The following RNF150 variants were observed in gnomAD, a reference collection of about 807,000 sequenced individuals.
RNF150 encodes the protein ring finger protein 150.
Under a neutral mutation model 39.3 loss-of-function variants are expected in RNF150, and 24 were observed. That is an observed-to-expected ratio of 0.61 (90% CI 0.44 to 0.86). RNF150 has a LOEUF of 0.86. Among genes scored for constraint, RNF150 ranks in the 40% least tolerant of loss-of-function variants. RNF150 has a pLI of 0.00. For synonymous variants in RNF150, 255 were observed against 227.3 expected, an observed-to-expected ratio of 1.12 and a Z score of -1.10; for missense variants, 502 against 587.8, an observed-to-expected ratio of 0.85 and a Z score of 1.51.
intron 6 of RNF150, among the ~76,000 whole-genome samples, chr4:140,871,144 A>C (rs543029892): frequency 6.6e-6 from 1 of 152,188 alleles, no homozygotes; most frequent in Admixed American, 6.5e-5. Flanking sequence ...TTTCTCCTTT[A>C]GGGCTAAAGT....
intron 4 of RNF150, among the ~76,000 whole-genome samples, chr4:140,939,871 A>G (rs955110306): frequency 2.6e-5 from 4 of 152,218 alleles, no homozygotes; most frequent in African/African-American, 7.2e-5. Context: ...ACGTTGAGTC[A>G]TCTGGTTTAC....
At chr4:141,071,994 A>G (rs1327547152) in intron 1 of RNF150, among the ~76,000 whole-genome samples, 1 of 152,192 alleles carries the variant, frequency 6.6e-6, no homozygotes, top group African/African-American at 2.4e-5. Flanking sequence ...TTAATTGTGC[A>G]TATCAATCAC....
chr4:141,161,400 C>T (rs569203094), intron 1 of RNF150, among the ~76,000 whole-genome samples: 1 of 152,194 alleles, frequency 6.6e-6, no homozygotes, highest in South Asian at 2.1e-4. Flanking sequence ...AAAGAAATGA[C>T]CTAAAATTGG....
intron 1 of RNF150, among the ~76,000 whole-genome samples, chr4:141,060,331 C>T (rs1737164844): frequency 6.6e-6 from 1 of 152,000 alleles, no homozygotes; most frequent in Admixed American, 6.6e-5. Flanking sequence ...GTCCCAGATA[C>T]TTGGGAAGTT....
intron 2 of RNF150, among the ~76,000 whole-genome samples, chr4:140,962,578 C>T (rs924163917): frequency 2.6e-5 from 4 of 151,772 alleles, no homozygotes; most frequent in Non-Finnish European, 5.9e-5. Flanking sequence ...TTTTCATTGC[C>T]TTGTGTTTGG....
At chr4:141,163,395 TC>T (rs1173923744) in intron 1 of RNF150, among the ~76,000 whole-genome samples, 2 of 152,154 alleles carry the variant, frequency 1.3e-5, no homozygotes, top group Admixed American at 1.3e-4. Context: ...ACTTAAACTT[TC>T]CCACCTGCCT....
chr4:140,930,007 A>G (rs1215140207), intron 4 of RNF150, among the ~76,000 whole-genome samples: 2 of 152,168 alleles, frequency 1.3e-5, no homozygotes, highest in African/African-American at 2.4e-5. Flanking sequence ...CTAAAAATGC[A>G]AAAACTAGCT....
chr4:141,089,917 C>T (rs1738515366), intron 1 of RNF150, among the ~76,000 whole-genome samples: 1 of 152,192 alleles, frequency 6.6e-6, no homozygotes, highest in South Asian at 2.1e-4. Flanking sequence ...CACATCGATG[C>T]CACCACCATC....
At chr4:141,017,540 T>A (rs1238570668) in intron 1 of RNF150, among the ~76,000 whole-genome samples, 1 of 152,198 alleles carries the variant, frequency 6.6e-6, no homozygotes, top group Non-Finnish European at 1.5e-5. Context: ...ACATTTGGGT[T>A]CACTTCTGGT....
chr4:141,028,336 T>C (rs532499217), intron 1 of RNF150, among the ~76,000 whole-genome samples: 46 of 152,330 alleles, frequency 3.0e-4, no homozygotes, highest in Non-Finnish European at 5.4e-4. Flanking sequence ...GCCAGCTTTT[T>C]CATATGGATC....
At chr4:140,975,169 T>C (rs1480091140) in intron 1 of RNF150, among the ~76,000 whole-genome samples, 1 of 152,096 alleles carries the variant, frequency 6.6e-6, no homozygotes, top group Admixed American at 6.6e-5. Context: ...GGTGGGAGGA[T>C]GACTTGAGCC....
At chr4:140,985,767 T>C (rs1303103279) in intron 1 of RNF150, among the ~76,000 whole-genome samples, 1 of 152,146 alleles carries the variant, frequency 6.6e-6, no homozygotes, top group Non-Finnish European at 1.5e-5. Flanking sequence ...ATTTTGGATA[T>C]ATGGGTTATA....
At chr4:141,198,582 G>A (rs751817560) in intron 1 of RNF150, among the ~76,000 whole-genome samples, 8 of 152,308 alleles carry the variant, frequency 5.3e-5, no homozygotes, top group Non-Finnish European at 7.3e-5. Context: ...TGACAAGAGC[G>A]AAAAATGATA....
intron 1 of RNF150, among the ~76,000 whole-genome samples, chr4:141,097,128 G>T (rs554425814): frequency 6.6e-6 from 1 of 152,266 alleles, no homozygotes; most frequent in South Asian, 2.1e-4. Context: ...TACCAAAACA[G>T]ACCATAATCT....
intron 6 of RNF150, among the ~76,000 whole-genome samples, chr4:140,892,548 G>T (rs181567303): frequency 6.6e-6 from 1 of 152,148 alleles, no homozygotes; most frequent in Non-Finnish European, 1.5e-5. Flanking sequence ...AAAGACTTTT[G>T]TTAAAAACCC....
chr4:141,126,354 T>C (rs1029021317), intron 1 of RNF150, among the ~76,000 whole-genome samples: 2 of 152,324 alleles, frequency 1.3e-5, no homozygotes, highest in African/African-American at 4.8e-5. Flanking sequence ...AATTCCACAA[T>C]GTTCCCACTC....
At chr4:140,908,956 T>C (rs62345035) in intron 6 of RNF150, among the ~76,000 whole-genome samples, 5,776 of 152,248 alleles carry the variant, frequency 0.038, 173 homozygotes, top group Admixed American at 0.076. Context: ...CAAATGTTTA[T>C]TTGTTTTTGT....
At chr4:141,035,076 A>T (rs952545597) in intron 1 of RNF150, among the ~76,000 whole-genome samples, 7 of 152,218 alleles carry the variant, frequency 4.6e-5, no homozygotes, top group Non-Finnish European at 1.0e-4. Flanking sequence ...TTGTATAATT[A>T]CAGTATCTTT....
rs1728724195 is a variant in RNF150 at position 140,866,700 on chromosome 4, C to T, written c.*1561G>A. 6.6e-6 allele frequency: 1 copy of T among 152,136 alleles called. No individual in the cohort carries two copies. Among genetic ancestry groups the T allele is most frequent in the Non-Finnish European group, 1.5e-5 (1 of 68,038 alleles). The allele number at this position is 152,136 out of a possible 1,614,324, so 9.4% of individuals were successfully genotyped here. ...TCTAATGAGGTGGAAAAGTCCCCAT[C>T]AATACATAAAAACAACTCAGTGAGA... On this transcript the variant is annotated 3_prime_UTR_variant, in exon 7 of 7. Transcript: ENST00000515673.
Sources: allele counts gnomAD v4.1 joint callset (sites outside exome capture counted in the v4.1 genomes callset), GRCh38; gene constraint gnomAD v4.1.1; transcripts MANE v1.5; gene names NCBI Gene and HGNC (gene_info 2026-07-23, HGNC 2026-07-21).